The following COL11A1 variants were observed in gnomAD, a reference collection of about 807,000 sequenced individuals.
The protein encoded by COL11A1 is collagen type XI alpha 1 chain, also known as collagen alpha-1(XI) chain.
COL11A1 carries 74 observed loss-of-function variants against 265.2 expected under a neutral mutation model. The ratio of observed to expected loss-of-function variants is 0.28; its 90% CI spans 0.23 to 0.34. The LOEUF (loss-of-function observed/expected upper bound fraction) is 0.34, where lower values mean the gene tolerates loss of function less well. COL11A1 is among the 10% of genes least tolerant of loss of function. The pLI is 1.00. For synonymous variants in COL11A1, 816 were observed against 727.6 expected, an observed-to-expected ratio of 1.12 and a Z score of -1.96; for missense variants, 2,165 against 2,263.6, an observed-to-expected ratio of 0.96 and a Z score of 0.88.
chr1:102,998,861 G>A (rs920328815), intron 24 of COL11A1, among the ~76,000 whole-genome samples: 5 of 151,684 alleles, frequency 3.3e-5, no homozygotes, highest in Admixed American at 2.6e-4. Flanking sequence ...AAAGTAAATC[G>A]ATTTTAATGT....
At chr1:103,073,944 A>G (rs1485563695) in intron 4 of COL11A1, among the ~76,000 whole-genome samples, 2 of 152,036 alleles carry the variant, frequency 1.3e-5, no homozygotes, top group African/African-American at 4.8e-5. Context: ...ATTGTTTAAA[A>G]ACAATCACAG....
Position 102,914,372 on chromosome 1 carries a change from G to C in COL11A1, c.3958C>G (p.Pro1320Ala). The C allele has an allele frequency of 6.2e-7, 1 of 1,608,820 alleles. No individual in the cohort carries two copies. Among genetic ancestry groups the C allele is most frequent in the Non-Finnish European group, 8.5e-7 (1 of 1,176,780 alleles). ...CTTACTGCAGGGCCAGGTTCCCCAG[G>C]AGGACCAGGATCTCCAGGAAAACCA... ...PVGFPGDPGP[P>A]GEPGPAGQDG... is the part of the protein sequence containing the mutation. Residue 1320 changes from proline (P) to alanine (A), a missense_variant, in exon 52 of 67, where the codon CCT becomes GCT. By Grantham distance (27) the Pro-to-Ala change is conservative. Transcript: ENST00000370096.
At chr1:102,972,497 C>A (rs1662062731) in intron 36 of COL11A1, among the ~76,000 whole-genome samples, 1 of 152,080 alleles carries the variant, frequency 6.6e-6, no homozygotes, top group Non-Finnish European at 1.5e-5. Context: ...GTGTCATTAT[C>A]ATTTTTCTTG....
At chr1:103,039,551 A>C (rs550815917) in intron 4 of COL11A1, among the ~76,000 whole-genome samples, 9 of 148,558 alleles carry the variant, frequency 6.1e-5, no homozygotes, top group African/African-American at 1.5e-4. Context: ...GTAAAGACAC[A>C]GGGAGAAGAC....
At chr1:102,918,440 G>C (rs939446385) in intron 49 of COL11A1, among the ~76,000 whole-genome samples, 1 of 151,686 alleles carries the variant, frequency 6.6e-6, no homozygotes, top group African/African-American at 2.4e-5. Flanking sequence ...AAAGATACTG[G>C]TTTTTTTATT....
rs67985164 is a variant in COL11A1 at position 103,026,622 on chromosome 1, AAC to A, written c.781-292_781-291del. 0.1 allele frequency among the ~76,000 whole-genome samples: 15,644 copies of A among 152,212 alleles called. 1,037 individuals are homozygous for A. Among genetic ancestry groups the A allele is most frequent in the Non-Finnish European group, 0.14 (9,621 of 67,978 alleles). On this transcript the variant is annotated intron_variant, in intron 5 of 66. Coordinates refer to ENST00000370096, the MANE Select transcript of COL11A1 (RefSeq NM_001854.4). ...CTCTTAATTATGGAATGTTAATTGA[AAC>A]ACAGTAATTATGTACTTGGACATAG...
In COL11A1 at chr1:102,927,178, A is replaced by G. The variant is rs533120341; in HGVS notation, c.3601-3789T>C. Among the ~76,000 whole-genome samples, 4 of 152,274 alleles carry G rather than the reference A, an allele frequency of 2.6e-5. No homozygotes were observed. In the East Asian group the frequency reaches 5.8e-4, roughly 22 times the overall value. ...AATTTTTTATATAAATTCAATTTAC[A>G]TAGGCTTTTCTACAAGTTCACAAAT... On this transcript the variant is annotated intron_variant, in intron 46 of 66. Coordinates refer to ENST00000370096, the MANE Select transcript of COL11A1 (RefSeq NM_001854.4).
At chr1:103,078,327 C>T (rs1672135873) in intron 3 of COL11A1, among the ~76,000 whole-genome samples, 1 of 152,026 alleles carries the variant, frequency 6.6e-6, no homozygotes, top group Non-Finnish European at 1.5e-5. Context: ...TGCACTTTAC[C>T]TTCTTTACAT....
At chr1:102,966,519 G>T (rs1312601380) in intron 37 of COL11A1, among the ~76,000 whole-genome samples, 2 of 152,060 alleles carry the variant, frequency 1.3e-5, no homozygotes, top group Non-Finnish European at 2.9e-5. Context: ...AGAAAATAGA[G>T]TTCTATTTTA....
At chr1:102,970,299 A>G (rs1424008984) in intron 36 of COL11A1, 27 bp from the exon 37 acceptor site, 1 of 1,552,036 alleles carries the variant, frequency 6.4e-7, no homozygotes, top group South Asian at 1.1e-5. Flanking sequence ...TAAATACCAC[A>G]TGTCATAAAT....
intron 4 of COL11A1, among the ~76,000 whole-genome samples, chr1:103,071,297 G>A (rs934422579): frequency 3.1e-4 from 47 of 151,810 alleles, no homozygotes; most frequent in African/African-American, 1.0e-3. Flanking sequence ...TTGAGCAATG[G>A]CTATAACTTG....
intron 4 of COL11A1, among the ~76,000 whole-genome samples, chr1:103,041,648 A>T (rs1354804518): frequency 6.6e-6 from 1 of 151,834 alleles, no homozygotes; most frequent in Non-Finnish European, 1.5e-5. Context: ...TTCGGAGAGG[A>T]CTTTTAAAGT....
At position 102,878,113 on chromosome 1, in the gene COL11A1, T is replaced by A; in HGVS notation, c.5327A>T (p.Asp1776Val). 1.2e-6 allele frequency: 2 copies of A among 1,613,446 alleles called. No homozygotes were observed. The highest frequency in any genetic ancestry group is 1.7e-6 in the Non-Finnish European group (2 of 1,179,574). Residue 1776 changes from aspartate to valine, a missense_variant, in exon 67 of 67, where the codon GAT (aspartate) becomes GTT (valine). Transcript: ENST00000370096. ...TVIEINTPKI[D>V]QVPIVDVMIN... The stretch of plus-strand genomic sequence containing the variant: ...CATGACATCAACAATAGGTACTTGA[T>A]CAATTTTTGGTGTATTGATTTCAAT...
At chr1:102,935,227 AAAG>A in intron 44 of COL11A1, 114 bp from the exon 45 acceptor site, 1 of 788,930 alleles carries the variant, frequency 1.3e-6, no homozygotes. Context: ...CTTTGGAAAA[AAAG>A]AAGCATCACA....
intron 40 of COL11A1, 76 bp downstream of exon 40, chr1:102,962,097 ACTT>A (rs766041789): frequency 4.1e-6 from 5 of 1,215,102 alleles, no homozygotes; most frequent in South Asian, 3.7e-5. Flanking sequence ...CTTAATCATC[ACTT>A]CTTAAGTTCT....
At chr1:102,960,201 T>C (rs1660761516) in intron 41 of COL11A1, among the ~76,000 whole-genome samples, 2 of 152,166 alleles carry the variant, frequency 1.3e-5, no homozygotes, top group Non-Finnish European at 2.9e-5. Flanking sequence ...ATGGTTGTTA[T>C]ATGATGTGAG....
chr1:102,922,396 A>C (rs1252222070), intron 47 of COL11A1, among the ~76,000 whole-genome samples: 1 of 152,126 alleles, frequency 6.6e-6, no homozygotes, highest in Non-Finnish European at 1.5e-5. Flanking sequence ...TATTTGAATC[A>C]GAAAAGTGGT....
chr1:102,897,135 T>C (rs978879431), intron 57 of COL11A1, among the ~76,000 whole-genome samples: 2 of 152,006 alleles, frequency 1.3e-5, no homozygotes, highest in African/African-American at 4.8e-5. Context: ...ATGAAATATT[T>C]GGTAGGTATG....
Position 103,022,811 on chromosome 1 carries a change from T to C in COL11A1, c.1176A>G (p.Lys392=), listed in dbSNP as rs1279803613. ...ATTCTTCATTAGGGGGGCTTGTTGG[T>C]TTATCTTCATATTCTTTATATTCAT... ...DFYEYKEYED[K]PTSPPNEEFG... The change falls in exon 8 of 67, where the codon AAA becomes AAG. Residue 392 remains lysine (K), a synonymous_variant. Transcript: ENST00000370096. 1 of 1,613,810 alleles carries C rather than the reference T, an allele frequency of 6.2e-7. No individual in the cohort carries two copies. Among genetic ancestry groups the C allele is most frequent in the Non-Finnish European group, 8.5e-7 (1 of 1,179,926 alleles).
Sources: allele counts gnomAD v4.1 joint callset (sites outside exome capture counted in the v4.1 genomes callset), GRCh38; gene constraint gnomAD v4.1.1; transcripts MANE v1.5; gene names NCBI Gene and HGNC (gene_info 2026-07-23, HGNC 2026-07-21).